Variants in PDE2A observed in about 807,000 individuals in gnomAD.
The protein encoded by PDE2A is phosphodiesterase 2A.
In PDE2A, 53 loss-of-function variants were observed where a neutral mutation model predicts 133.6. The observed-to-expected ratio is 0.40, with a 90% CI of 0.32 to 0.50. PDE2A has a LOEUF of 0.50. PDE2A is among the 20% of genes least tolerant of loss of function. PDE2A has a pLI of 0.73. For synonymous variants in PDE2A, 491 were observed against 490.2 expected (o/e 1.00, Z -0.02); for missense variants, 796 against 1,232.4 (o/e 0.65, Z 5.30).
At chr11:72,658,213 G>A in intron 1 of PDE2A, 1 of 437,838 alleles carries the variant, frequency 2.3e-6, no homozygotes, top group South Asian at 1.6e-5. Flanking sequence ...CAGCAATGGT[G>A]GGTGAGGGTT....
At position 72,584,867 on chromosome 11, in the gene PDE2A, C is replaced by A. The variant is rs755393988; in HGVS notation, c.1359+5G>T. On this transcript the variant is annotated splice_donor_5th_base_variant and intron_variant, in intron 17 of 30. Coordinates refer to ENST00000334456, the MANE Select transcript of PDE2A (RefSeq NM_002599.5). ...GGGCCACATACTCCCTCCACACCCT[C>A]TCACCTCATCATCCACCACGCCCCC... The A allele has an allele frequency of 6.2e-7, 1 of 1,613,826 alleles. No individual in the cohort carries two copies.
At chr11:72,646,229 G>C (rs1044790211) in intron 1 of PDE2A, among the ~76,000 whole-genome samples, 1 of 152,192 alleles carries the variant, frequency 6.6e-6, no homozygotes, top group Non-Finnish European at 1.5e-5. Flanking sequence ...AGGTGACTCA[G>C]CTGTCAGCCT....
At chr11:72,647,272 C>G (rs1214131628) in intron 1 of PDE2A, among the ~76,000 whole-genome samples, 1 of 152,250 alleles carries the variant, frequency 6.6e-6, no homozygotes, top group African/African-American at 2.4e-5. Context: ...GTTACACCCC[C>G]ACCTGGAAGC....
chr11:72,669,683 G>A (rs761010364), intron 1 of PDE2A, among the ~76,000 whole-genome samples: 7 of 152,102 alleles, frequency 4.6e-5, no homozygotes, highest in African/African-American at 7.2e-5. Flanking sequence ...GTAGGAGGCC[G>A]GCATAATAAG....
At chr11:72,581,199 T>C (rs888539257) in intron 23 of PDE2A, among the ~76,000 whole-genome samples, 158 bp downstream of exon 23, 19 of 152,146 alleles carry the variant, frequency 1.2e-4, no homozygotes, top group Non-Finnish European at 4.4e-5. Context: ...AAGCCCCTCC[T>C]GGAAGATGGG....
rs553702960 is a variant in PDE2A, at chr11:72,657,890, T to C, written c.72-15564A>G. 1.7e-4 allele frequency: 77 copies of C among 456,088 alleles called. No homozygotes were observed. The East Asian group carries it at 4.1e-3, about 24-fold the overall frequency. 28.3% of individuals were successfully genotyped at this position (456,088 alleles called of 1,614,324 possible). A position where few individuals can be genotyped will look rare whatever the true frequency, so the allele number is the denominator to read the frequency against. The stretch of plus-strand genomic sequence containing the variant: ...GGTCCAACTGCAGAGGCAGCCTCAG[T>C]GAAGGCCATGATGGGAGCCTCCCAC... On this transcript the variant is annotated intron_variant, in intron 1 of 30. Coordinates refer to ENST00000334456, the MANE Select transcript of PDE2A (RefSeq NM_002599.5).
At chr11:72,656,575 C>G (rs1255321014) in intron 1 of PDE2A, among the ~76,000 whole-genome samples, 1 of 152,146 alleles carries the variant, frequency 6.6e-6, no homozygotes, top group Non-Finnish European at 1.5e-5. Flanking sequence ...CCACCCCACT[C>G]CCACCCCCAA....
At chr11:72,585,900 T>C (rs1252374042) in intron 14 of PDE2A, among the ~76,000 whole-genome samples, 170 bp downstream of exon 14, 1 of 152,182 alleles carries the variant, frequency 6.6e-6, no homozygotes, top group Non-Finnish European at 1.5e-5. Flanking sequence ...CTGCGGGCAG[T>C]GGCGCGGGTC....
intron 2 of PDE2A, among the ~76,000 whole-genome samples, chr11:72,623,904 T>C (rs7105428): frequency 0.52 from 78,011 of 151,374 alleles, 20,743 homozygotes; most frequent in African/African-American, 0.64. Flanking sequence ...CTACCCACCT[T>C]CTCTCTGCCT....
chr11:72,578,350 C>G lies in PDE2A; in HGVS notation c.2509-11G>C, dbSNP rs771332803. On this transcript the variant is annotated splice_polypyrimidine_tract_variant and intron_variant, in intron 29 of 30. Coordinates refer to ENST00000334456, the MANE Select transcript of PDE2A (RefSeq NM_002599.5). This position sits in a 1 kb window ranked among gnomAD's most constrained non-coding sequence, Gnocchi z 4.2. ...GCCCATGGCCTTCTCCTGCAGGCAT[C>G]GAGTCGTCAGGCCTGTCCCTCTCAT... 1 of 1,597,682 alleles carries G rather than the reference C, an allele frequency of 6.3e-7. No individual in the cohort carries two copies. The highest frequency in any genetic ancestry group is 1.7e-5 in the Admixed American group (1 of 59,986).
chr11:72,622,416 C>A (rs1454529608), intron 2 of PDE2A, among the ~76,000 whole-genome samples: 1 of 152,184 alleles, frequency 6.6e-6, no homozygotes, highest in African/African-American at 2.4e-5. Flanking sequence ...ATGTTCATAG[C>A]AGCATTACTC....
At chr11:72,623,997 C>CTTT (rs71062781) in intron 2 of PDE2A, among the ~76,000 whole-genome samples, 3 of 141,542 alleles carry the variant, frequency 2.1e-5, no homozygotes, top group Admixed American at 7.0e-5. Context: ...CAATCTTTTT[C>CTTT]TTTTTTTTTT....
intron 2 of PDE2A, among the ~76,000 whole-genome samples, chr11:72,613,675 C>T (rs1175808042): frequency 1.3e-5 from 2 of 152,080 alleles, no homozygotes; most frequent in Admixed American, 6.6e-5. Flanking sequence ...GTGTCTCCAG[C>T]CCACTCCTCC....
At position 72,579,440 on chromosome 11, in the gene PDE2A, C is replaced by A. The variant is rs1855613506; in HGVS notation, c.2257-57G>T. 4.5e-6 allele frequency: 7 copies of A among 1,570,486 alleles called. No individual in the cohort carries two copies. In the East Asian group the frequency reaches 1.6e-4, roughly 35 times the overall value. ...TACTGGACACCCCCACCCATTTGCC[C>A]ATCCCAGTGAGCCTCCACTCCTTGG... On this transcript the variant is annotated intron_variant, in intron 26 of 30. Coordinates refer to ENST00000334456, the MANE Select transcript of PDE2A (RefSeq NM_002599.5).
intron 2 of PDE2A, 42 bp downstream of exon 2, chr11:72,642,212 G>T: frequency 7.1e-7 from 1 of 1,414,402 alleles, no homozygotes; most frequent in Non-Finnish European, 9.2e-7. Flanking sequence ...GCGCTCGCCG[G>T]ACACCCCGTT....
chr11:72,579,502 C>G (rs1291670073), intron 26 of PDE2A, 32 bp downstream of exon 26: 5 of 1,576,990 alleles, frequency 3.2e-6, no homozygotes, highest in East Asian at 2.3e-5. Flanking sequence ...CCAGCTCCCC[C>G]TCAATCCCCA....
At chr11:72,601,106 T>TCCAACGGAACCCCATCCC (rs2135339021) in intron 4 of PDE2A, among the ~76,000 whole-genome samples, 1 of 132,474 alleles carries the variant, frequency 7.5e-6, no homozygotes, top group African/African-American at 2.9e-5. Flanking sequence ...GAGCCCATCC[T>TCCAACGGAACCCCATCCC]CCCACGGAAC....
intron 2 of PDE2A, among the ~76,000 whole-genome samples, chr11:72,609,682 G>A (rs1473386917): frequency 6.6e-6 from 1 of 152,132 alleles, no homozygotes; most frequent in Non-Finnish European, 1.5e-5. Context: ...CGAGGGCCAA[G>A]GCAAGATCGT....
intron 2 of PDE2A, among the ~76,000 whole-genome samples, chr11:72,612,833 C>T (rs1377461505): frequency 6.6e-6 from 1 of 152,126 alleles, no homozygotes; most frequent in East Asian, 1.9e-4. Context: ...AGCACCATTA[C>T]CACGGACTTA....
Sources: gnomAD v4.1 joint callset for allele counts (sites outside exome capture counted in the v4.1 genomes callset) on GRCh38, gnomAD v4.1.1 for gene constraint, Gnocchi (gnomAD v3.1) non-coding constraint, MANE v1.5 for transcripts, NCBI Gene and HGNC (gene_info 2026-07-23, HGNC 2026-07-21) for gene names.